ADAP1: variants seen among roughly 807,000 people sequenced by gnomAD.
ADAP1 encodes the protein arf-GAP with dual PH domain-containing protein 1.
A neutral mutation model predicts 54.9 loss-of-function variants in ADAP1; 31 were observed. That is an observed-to-expected ratio of 0.56 (90% CI 0.42 to 0.76). The LOEUF (loss-of-function observed/expected upper bound fraction) is 0.76, where lower values mean the gene tolerates loss of function less well. Among genes scored for constraint, ADAP1 ranks in the 30% least tolerant of loss-of-function variants. The probability of loss-of-function intolerance (pLI) is 0.00; values close to 1 mark genes in which losing one functional copy is unlikely to be tolerated. For missense variants in ADAP1, 535 were observed against 512.4 expected (o/e 1.04, Z -0.42); for synonymous variants, 313 against 202.6 (o/e 1.55, Z -4.63).
At position 945,647 on chromosome 7, in the gene ADAP1, GC is replaced by G. The variant is rs1218127997; in HGVS notation, c.82+8748del. 2.5e-6 allele frequency: 2 copies of G among 790,854 alleles called. No individual in the cohort carries two copies. The highest frequency in any genetic ancestry group is 3.7e-5 in the African/African-American group (2 of 53,344). 49.0% of individuals were successfully genotyped at this position (790,854 alleles called of 1,614,324 possible). On this transcript the variant is annotated intron_variant, in intron 1 of 10. Coordinates refer to ENST00000265846, the MANE Select transcript of ADAP1 (RefSeq NM_006869.4). The surrounding 1 kb of genome is among the most constrained non-coding windows in gnomAD (Gnocchi z 4.2). ...AGGGAGGGGCAGGCCCAAGACTCCA[GC>G]CCCCACAAACATCCAGGCTGCCAGC...
chr7:915,404 G>A (rs1038403668), intron 4 of ADAP1, among the ~76,000 whole-genome samples: 3 of 152,242 alleles, frequency 2.0e-5, no homozygotes, highest in African/African-American at 7.2e-5. Context: ...CAGATCATGA[G>A]CCTGGTGCTG....
At chr7:925,020 G>C (rs962206358) in intron 3 of ADAP1, among the ~76,000 whole-genome samples, 3 of 151,982 alleles carry the variant, frequency 2.0e-5, no homozygotes, top group Non-Finnish European at 2.9e-5. Flanking sequence ...TGGGAAGGGA[G>C]AGGTGCATGC....
At chr7:929,166 C>T (rs1846484430) in intron 2 of ADAP1, among the ~76,000 whole-genome samples, 1 of 152,004 alleles carries the variant, frequency 6.6e-6, no homozygotes. Context: ...GTGGTGCACG[C>T]CCGTAATCCC....
chr7:900,081 C>T lies in ADAP1; in HGVS notation c.795+21G>A, dbSNP rs772792637. The T allele has an allele frequency of 6.2e-6, 10 of 1,612,790 alleles. No individual in the cohort carries two copies. The South Asian group carries it at 8.8e-5, about 14-fold the overall frequency. On this transcript the variant is annotated intron_variant, in intron 8 of 10. Transcript: ENST00000265846. ...ATGGCGTACCCCAGGCCACCCCAGGCCGCACGTGCGGCACACCCACCTTGG... is the reference window on the plus strand; with the variant it reads ...ATGGCGTACCCCAGGCCACCCCAGGTCGCACGTGCGGCACACCCACCTTGG...
chr7:903,719 C>T (rs568513815), intron 6 of ADAP1, among the ~76,000 whole-genome samples: 73 of 152,234 alleles, frequency 4.8e-4, no homozygotes, highest in Admixed American at 1.1e-3. Flanking sequence ...ACCCCAGAGC[C>T]GGCTACCGTC....
At chr7:911,611 C>T (rs1381437267) in intron 4 of ADAP1, among the ~76,000 whole-genome samples, 5 of 102,356 alleles carry the variant, frequency 4.9e-5, no homozygotes, top group Non-Finnish European at 1.0e-4. Flanking sequence ...GGGGGTCCCA[C>T]GGAGGGCCAG....
intron 8 of ADAP1, among the ~76,000 whole-genome samples, 185 bp from the exon 9 acceptor site, chr7:899,675 G>A (rs994480641): frequency 7.9e-5 from 12 of 152,108 alleles, no homozygotes; most frequent in African/African-American, 2.4e-4. Context: ...GCCTCCACAC[G>A]GCACCTCCCT....
intron 4 of ADAP1, chr7:905,383 G>GGGAGAAA (rs1845104537): frequency 2.7e-5 from 7 of 262,828 alleles, no homozygotes; most frequent in South Asian, 5.4e-5. Context: ...AAAGGAGAAA[G>GGGAGAAA]GAGAAAGGAG....
intron 5 of ADAP1, 105 bp from the exon 6 acceptor site, chr7:904,377 T>G: frequency 7.0e-7 from 1 of 1,435,572 alleles, no homozygotes; most frequent in Non-Finnish European, 9.3e-7. Context: ...TGCTGTGCTG[T>G]GTGGCTTTGG....
chr7:900,267 T>G (rs1352312071), intron 7 of ADAP1, 103 bp from the exon 8 acceptor site: 6 of 1,422,074 alleles, frequency 4.2e-6, no homozygotes, highest in Non-Finnish European at 5.9e-6. Context: ...GGCCACCAGG[T>G]CAGGGCCCAG....
chr7:905,821 G>GA (rs1845233987), intron 4 of ADAP1, among the ~76,000 whole-genome samples: 1 of 36,944 alleles, frequency 2.7e-5, no homozygotes, highest in East Asian at 1.2e-3. Context: ...GGAGAAGGGA[G>GA]AAGGGAGAAG....
chr7:944,599 G>A (rs1847092373), intron 1 of ADAP1, among the ~76,000 whole-genome samples: 1 of 151,994 alleles, frequency 6.6e-6, no homozygotes, highest in Non-Finnish European at 1.5e-5. Flanking sequence ...GTACATAAGA[G>A]GTGTATATAT....
At chr7:902,475 A>AAAATGCCTGGGCGTGGTGGTGC (rs1491159593) in intron 6 of ADAP1, among the ~76,000 whole-genome samples, 13 of 142,250 alleles carry the variant, frequency 9.1e-5, no homozygotes, top group South Asian at 2.2e-4. Flanking sequence ...AAAAAAAGAA[A>AAAATGCCTGGGCGTGGTGGTGC]GAAAAGAAAG....
At chr7:918,314 G>A (rs761613088) in intron 4 of ADAP1, among the ~76,000 whole-genome samples, 3 of 152,152 alleles carry the variant, frequency 2.0e-5, no homozygotes, top group Non-Finnish European at 4.4e-5. Flanking sequence ...ACTCCTGCAC[G>A]TAAGGGCTGC....
intron 5 of ADAP1, among the ~76,000 whole-genome samples, chr7:904,622 G>A (rs1168084764): frequency 6.6e-6 from 1 of 152,214 alleles, no homozygotes; most frequent in South Asian, 2.1e-4. Context: ...ACGGCTCAGG[G>A]CGGGTGCTTC....
At chr7:917,338 A>G (rs1845976963) in intron 4 of ADAP1, among the ~76,000 whole-genome samples, 1 of 102,422 alleles carries the variant, frequency 9.8e-6, no homozygotes, top group Non-Finnish European at 2.1e-5. Flanking sequence ...GGGGAGGTGC[A>G]CGGGAGGGGG....
At chr7:919,227 C>T (rs1470314584) in intron 4 of ADAP1, among the ~76,000 whole-genome samples, 12 of 152,230 alleles carry the variant, frequency 7.9e-5, no homozygotes, top group Admixed American at 7.8e-4. Context: ...TGTTGCCACA[C>T]AGAGGACGCC....
At chr7:912,769 C>T (rs552046602) in intron 4 of ADAP1, among the ~76,000 whole-genome samples, 9 of 151,888 alleles carry the variant, frequency 5.9e-5, no homozygotes, top group African/African-American at 2.2e-4. Context: ...GGCGCGATCT[C>T]GGCTCCCTGC....
intron 3 of ADAP1, among the ~76,000 whole-genome samples, chr7:924,661 T>G (rs1583167679): frequency 6.7e-6 from 1 of 149,800 alleles, no homozygotes; most frequent in Non-Finnish European, 1.5e-5. Flanking sequence ...CCACCCCAGA[T>G]AGTGGGTGTC....
Sources: allele counts gnomAD v4.1 joint callset (sites outside exome capture counted in the v4.1 genomes callset), GRCh38; gene constraint gnomAD v4.1.1; non-coding constraint Gnocchi (gnomAD v3.1); transcripts MANE v1.5; gene names NCBI Gene and HGNC (gene_info 2026-07-23, HGNC 2026-07-21).